Variants in APPL2 observed in about 807,000 individuals in gnomAD.
APPL2 encodes DCC-interacting protein 13-beta.
APPL2 carries 84 observed loss-of-function variants against 92.7 expected under a neutral mutation model. That is an observed-to-expected ratio of 0.91 (90% CI 0.76 to 1.09). APPL2 has a LOEUF of 1.09. Among genes scored for constraint, APPL2 ranks in the 50% least tolerant of loss-of-function variants. The probability of loss-of-function intolerance (pLI) is 0.00; values close to 1 mark genes in which losing one functional copy is unlikely to be tolerated. For synonymous variants in APPL2, 291 were observed against 291.0 expected, an observed-to-expected ratio of 1.00 and a Z score of 0.00; for missense variants, 736 against 824.5, an observed-to-expected ratio of 0.89 and a Z score of 1.31.
At chr12:105,182,491 G>A (rs1886207336) in intron 17 of APPL2, among the ~76,000 whole-genome samples, 1 of 152,170 alleles carries the variant, frequency 6.6e-6, no homozygotes, top group South Asian at 2.1e-4. Flanking sequence ...ATTTATTTTT[G>A]CCTTAATTTC....
intron 4 of APPL2, among the ~76,000 whole-genome samples, chr12:105,214,975 C>T (rs1889558084): frequency 6.6e-6 from 1 of 152,196 alleles, no homozygotes; most frequent in Non-Finnish European, 1.5e-5. Flanking sequence ...GTGACGTCCC[C>T]AGAGAGGGCA....
At chr12:105,202,416 G>A (rs1285317737) in intron 9 of APPL2, among the ~76,000 whole-genome samples, 2 of 152,216 alleles carry the variant, frequency 1.3e-5, no homozygotes, top group African/African-American at 2.4e-5. Context: ...CAACTCACAC[G>A]CATGGGCACA....
intron 17 of APPL2, among the ~76,000 whole-genome samples, chr12:105,187,407 G>C (rs529505366): frequency 6.6e-6 from 1 of 152,278 alleles, no homozygotes; most frequent in African/African-American, 2.4e-5. Context: ...CAACAGTGGA[G>C]GGTGTGAATA....
intron 17 of APPL2, among the ~76,000 whole-genome samples, chr12:105,186,676 TATATCATATATATATC>T (rs1886721662): frequency 3.0e-5 from 1 of 32,816 alleles, no homozygotes; most frequent in African/African-American, 1.1e-4. Flanking sequence ...ATATATATGA[TATATCATATATATATC>T]ATATATCATA....
At chr12:105,217,620 A>G (rs1315731342) in intron 3 of APPL2, 46 bp downstream of exon 3, 1 of 1,577,830 alleles carries the variant, frequency 6.3e-7, no homozygotes, top group South Asian at 1.1e-5. Flanking sequence ...CACTTAAGAA[A>G]GTCCTGAACA....
intron 9 of APPL2, among the ~76,000 whole-genome samples, chr12:105,200,855 T>A (rs1888113760): frequency 7.6e-6 from 1 of 131,154 alleles, no homozygotes. Context: ...TATGTATGTA[T>A]GTATGTATGT....
intron 17 of APPL2, among the ~76,000 whole-genome samples, chr12:105,180,615 ATTTG>A (rs1414328802): frequency 5.9e-5 from 9 of 152,124 alleles, no homozygotes; most frequent in Non-Finnish European, 4.4e-5. Context: ...ATGTTTTTCC[ATTTG>A]TTTGTGTCCT....
intron 9 of APPL2, among the ~76,000 whole-genome samples, chr12:105,202,750 A>G (rs992643591): frequency 6.6e-6 from 1 of 152,230 alleles, no homozygotes. Flanking sequence ...ATTCAGAGCT[A>G]AACAGCTCAG....
At chr12:105,205,886 C>T (rs981838933) in intron 8 of APPL2, among the ~76,000 whole-genome samples, 3 of 152,236 alleles carry the variant, frequency 2.0e-5, no homozygotes, top group South Asian at 2.1e-4. Context: ...CCAAGATCTG[C>T]TGAGGACTGA....
chr12:105,207,269 C>T (rs1211621502), intron 7 of APPL2, 62 bp from the exon 8 acceptor site: 11 of 1,501,082 alleles, frequency 7.3e-6, no homozygotes, highest in East Asian at 2.3e-5. Context: ...TCTGTAAAAG[C>T]GTGTGCTTCA....
chr12:105,221,769 T>A (rs2136063490), intron 2 of APPL2, among the ~76,000 whole-genome samples: 1 of 152,342 alleles, frequency 6.6e-6, no homozygotes, highest in African/African-American at 2.4e-5. Flanking sequence ...TGACAGCATC[T>A]CCCATGCTCA....
At chr12:105,186,616 CATATATATA>C (rs1363121045) in intron 17 of APPL2, among the ~76,000 whole-genome samples, 28 of 52,224 alleles carry the variant, frequency 5.4e-4, no homozygotes, top group African/African-American at 1.0e-3. Context: ...ATATATATAT[CATATATATA>C]TCATATATAT....
intron 1 of APPL2, chr12:105,233,119 T>G (rs1891040325): frequency 2.0e-6 from 2 of 985,360 alleles, no homozygotes; most frequent in South Asian, 9.4e-5. Flanking sequence ...CCTGAAGAAG[T>G]ACAAGCTGCA....
chr12:105,199,394 G>GCCTT lies in APPL2; in HGVS notation c.838_841dup (p.Ala281GlufsTer6). The GCCTT allele has an allele frequency of 6.2e-7, 1 of 1,613,360 alleles. No individual in the cohort carries two copies. On this transcript the variant is annotated frameshift_variant, in exon 10 of 21. Transcript: ENST00000258530. LOFTEE classifies it high-confidence loss of function. ...TCACTTTCTAAGATTAAGGTAACCAGCCTTCTGGATGAGGTTCCTGTTGAT... is the reference window on the plus strand; with the variant it reads ...TCACTTTCTAAGATTAAGGTAACCAGCCTTCCTTCTGGATGAGGTTCCTGTTGAT...
intron 1 of APPL2, among the ~76,000 whole-genome samples, chr12:105,235,043 A>G (rs796509089): frequency 1.3e-5 from 2 of 152,222 alleles, no homozygotes; most frequent in South Asian, 4.1e-4. Context: ...AGGAACCCCA[A>G]AAGAGAGGGG....
chr12:105,194,441 A>G (rs1454071423), intron 14 of APPL2, among the ~76,000 whole-genome samples: 2 of 152,240 alleles, frequency 1.3e-5, no homozygotes, highest in Non-Finnish European at 2.9e-5. Flanking sequence ...CTGTAATCCC[A>G]GCACTTTGGG....
In APPL2 at chr12:105,195,375, C is replaced by T; in HGVS notation, c.1153-26G>A. 3 of 1,614,176 alleles carry T rather than the reference C, an allele frequency of 1.9e-6. No homozygotes were observed. In the South Asian group the frequency reaches 3.3e-5, roughly 18 times the overall value. On this transcript the variant is annotated intron_variant, in intron 13 of 20. Coordinates refer to ENST00000258530, the MANE Select transcript of APPL2 (RefSeq NM_018171.5). ...CTAAAAATCCACAGGAAGACACACT[C>T]AGTCCCAGGAGGTGGACGCTTACCT...
At chr12:105,215,798 T>G (rs1172194180) in intron 4 of APPL2, among the ~76,000 whole-genome samples, 1 of 152,124 alleles carries the variant, frequency 6.6e-6, no homozygotes, top group Non-Finnish European at 1.5e-5. Context: ...CTCAGCACTT[T>G]GGGATGCCGA....
chr12:105,199,247 T>C (rs1256496689), intron 10 of APPL2, 126 bp downstream of exon 10: 3 of 1,138,980 alleles, frequency 2.6e-6, no homozygotes, highest in Non-Finnish European at 3.7e-6. Flanking sequence ...GCTGCTGTGA[T>C]GGGAGTTCTT....
Sources: gnomAD v4.1 joint callset for allele counts (sites outside exome capture counted in the v4.1 genomes callset) on GRCh38, gnomAD v4.1.1 for gene constraint, MANE v1.5 for transcripts, NCBI Gene and HGNC (gene_info 2026-07-23, HGNC 2026-07-21) for gene names.